HMGXB3: variants seen among roughly 807,000 people sequenced by gnomAD.
The protein encoded by HMGXB3 is HMG domain-containing protein 3.
HMGXB3 carries 45 observed loss-of-function variants against 121.5 expected under a neutral mutation model. The ratio of observed to expected loss-of-function variants is 0.37; its 90% CI spans 0.29 to 0.47. HMGXB3 has a LOEUF of 0.47. HMGXB3 is among the 20% of genes least tolerant of loss of function. HMGXB3 has a pLI of 0.99. For synonymous variants in HMGXB3, 590 were observed against 624.1 expected (o/e 0.95, Z 0.81); for missense variants, 1,376 against 1,602.2 (o/e 0.86, Z 2.41).
intron 6 of HMGXB3, chr5:150,021,525 T>C: frequency 5.9e-6 from 2 of 337,352 alleles, no homozygotes; most frequent in Non-Finnish European, 1.2e-5. Flanking sequence ...TGAGATTTTT[T>C]GTTTTTTAAC....
Position 150,032,603 on chromosome 5 carries a change from C to T in HMGXB3, c.1983C>T (p.Ile661=), listed in dbSNP as rs771719820. 19 of 1,552,148 alleles carry T rather than the reference C, an allele frequency of 1.2e-5. No individual in the cohort carries two copies. Among genetic ancestry groups the T allele is most frequent in the South Asian group, 4.8e-5 (4 of 84,066 alleles). The change falls in exon 11 of 20, where the codon ATC becomes ATT. Residue 661 remains isoleucine (I), a splice_region_variant and synonymous_variant. Transcript: ENST00000502717. ...GGACTGAGAAAACCACCAAGGCTAT[C>T]GTGAGTTCCTTCCCCCAAACACATC... is the stretch of plus-strand genomic sequence containing the variant. ...KDRTEKTTKA[I]EVSSPLPDVL...
chr5:150,039,511 CTT>C (rs1222122101), intron 13 of HMGXB3, among the ~76,000 whole-genome samples: 4 of 151,764 alleles, frequency 2.6e-5, no homozygotes, highest in African/African-American at 7.3e-5. Flanking sequence ...TAGGTAAAAA[CTT>C]GTGTATAATC....
intron 13 of HMGXB3, 126 bp downstream of exon 13, chr5:150,037,653 T>G: frequency 1.3e-6 from 1 of 760,820 alleles, no homozygotes; most frequent in Non-Finnish European, 1.8e-6. Context: ...GAAGGGGGAG[T>G]CTTCTTCCTA....
chr5:150,051,464 G>A (rs561137447), intron 19 of HMGXB3, among the ~76,000 whole-genome samples: 45 of 152,332 alleles, frequency 3.0e-4, no homozygotes, highest in Non-Finnish European at 2.9e-5. Flanking sequence ...CTGCTCCCCT[G>A]CAGCCACTGG....
chr5:150,041,520 T>G (rs931267709), intron 14 of HMGXB3, among the ~76,000 whole-genome samples: 1 of 152,228 alleles, frequency 6.6e-6, no homozygotes, highest in African/African-American at 2.4e-5. Context: ...GAGGTGAGAT[T>G]AATGACATAA....
chr5:150,034,435 G>A (rs2113752265), intron 11 of HMGXB3, among the ~76,000 whole-genome samples: 1 of 152,122 alleles, frequency 6.6e-6, no homozygotes, highest in South Asian at 2.1e-4. Flanking sequence ...TCTCCTTCCA[G>A]TTCATTTTAG....
intron 16 of HMGXB3, among the ~76,000 whole-genome samples, chr5:150,047,194 C>T (rs572509215): frequency 3.7e-4 from 56 of 152,178 alleles, no homozygotes; most frequent in Non-Finnish European, 2.2e-4. Context: ...GCACCCGGCC[C>T]CCAGGGATTA....
chr5:150,045,670 G>A lies in HMGXB3; in HGVS notation c.2935G>A (p.Val979Met), dbSNP rs1168482492. The A allele has an allele frequency of 1.3e-6, 2 of 1,551,592 alleles. No homozygotes were observed. Among genetic ancestry groups the A allele is most frequent in the Admixed American group, 2.0e-5 (1 of 50,988 alleles). The change falls in exon 16 of 20, where the codon GTG becomes ATG. Residue 979 changes from valine to methionine, a missense_variant. By Grantham distance (21) the Val-to-Met change is conservative (BLOSUM62 1). Around this residue, in one of 2 missense-constraint regions of HMGXB3, gnomAD observed 1,116 missense variants for 1,369.0 expected, o/e 0.82. Coordinates refer to ENST00000502717, the MANE Select transcript of HMGXB3 (RefSeq NM_014983.3). Reference protein sequence around the residue: ...VNTEKDKNLDVQPVPGSGSAL... With the variant: ...VNTEKDKNLDMQPVPGSGSAL... The stretch of plus-strand genomic sequence containing the variant: ...CACTGAGAAAGACAAAAACCTGGAT[G>A]TGCAGCCAGTACCTGGTAAGGCCAC...
At chr5:150,004,559 GTAT>G (rs1481144708) in intron 1 of HMGXB3, among the ~76,000 whole-genome samples, 1 of 152,190 alleles carries the variant, frequency 6.6e-6, no homozygotes, top group Non-Finnish European at 1.5e-5. Flanking sequence ...TAAGTGAAAA[GTAT>G]TTCTAAGGCA....
rs1756614065 is a variant in HMGXB3, at chr5:150,040,842, C to T, written c.2508C>T (p.Ser836=). Residue 836 remains serine, a synonymous_variant, in exon 14 of 20, where the codon TCC becomes TCT. Coordinates refer to ENST00000502717, the MANE Select transcript of HMGXB3 (RefSeq NM_014983.3). ...AGCTCGGAGAGGACCCCAGAGTGTC[C>T]ATCAATGTTGTTCTGAAGTCGGTGC... The part of the protein sequence containing the change: ...QIKLGEDPRV[S]INVVLKSVQE... 6.4e-7 allele frequency: 1 copy of T among 1,551,382 alleles called. No homozygotes were observed. The highest frequency in any genetic ancestry group is 1.4e-5 in the African/African-American group (1 of 73,008).
At chr5:150,041,012 C>T (rs562064088) in intron 14 of HMGXB3, 133 bp downstream of exon 14, 1 of 848,806 alleles carries the variant, frequency 1.2e-6, no homozygotes, top group African/African-American at 1.8e-5. Context: ...TCTTGACTTC[C>T]TAATACACTC....
chr5:150,024,759 T>A, intron 7 of HMGXB3, 79 bp downstream of exon 7: 1 of 1,208,724 alleles, frequency 8.3e-7, no homozygotes, highest in Non-Finnish European at 1.1e-6. Context: ...ACAGCATGCC[T>A]GAGAGAGGCA....
chr5:150,042,043 C>A, intron 15 of HMGXB3, 74 bp downstream of exon 15: 6 of 1,256,404 alleles, frequency 4.8e-6, no homozygotes, highest in Non-Finnish European at 6.7e-6. Context: ...TATATGATAT[C>A]CCCAGGGGGT....
intron 7 of HMGXB3, among the ~76,000 whole-genome samples, chr5:150,025,714 C>T (rs780365803): frequency 5.9e-5 from 9 of 152,162 alleles, no homozygotes; most frequent in Admixed American, 3.3e-4. Context: ...ACTACAGGCA[C>T]GCACTACCAC....
At chr5:150,019,749 CAT>C (rs1491093868) in intron 6 of HMGXB3, among the ~76,000 whole-genome samples, 1 of 152,200 alleles carries the variant, frequency 6.6e-6, no homozygotes, top group Non-Finnish European at 1.5e-5. Flanking sequence ...GTGATTATCA[CAT>C]GTTTAACTCA....
In HMGXB3 at chr5:150,027,124, C is replaced by T. The variant is rs1300905986; in HGVS notation, c.1734+7C>T. On this transcript the variant is annotated splice_region_variant and intron_variant, in intron 9 of 19. Transcript: ENST00000502717. ...TGGCCCTGGTGAGGTGAAGGTAAGG[C>T]CCATTTTCCAGAGTGGGAGCTGTTT... is the stretch of plus-strand genomic sequence containing the variant. 1.3e-6 allele frequency: 2 copies of T among 1,549,638 alleles called. No homozygotes were observed. Among genetic ancestry groups the T allele is most frequent in the African/African-American group, 2.7e-5 (2 of 73,092 alleles).
chr5:150,023,455 A>G (rs1214728075), intron 6 of HMGXB3, among the ~76,000 whole-genome samples: 4 of 152,216 alleles, frequency 2.6e-5, no homozygotes, highest in Admixed American at 6.5e-5. Flanking sequence ...TATGTTTCCT[A>G]GTTTACAGTG....
intron 5 of HMGXB3, 50 bp from the exon 6 acceptor site, chr5:150,018,516 C>G: frequency 7.1e-7 from 1 of 1,410,786 alleles, no homozygotes; most frequent in Non-Finnish European, 9.4e-7. Context: ...TAGTGGTCAT[C>G]AGTCTGAGAG....
intron 4 of HMGXB3, among the ~76,000 whole-genome samples, chr5:150,011,463 G>T (rs1233024843): frequency 6.6e-6 from 1 of 152,200 alleles, no homozygotes; most frequent in Non-Finnish European, 1.5e-5. Context: ...GCTTGCTGTA[G>T]CCCTTATGGC....
Sources: allele counts gnomAD v4.1 joint callset (sites outside exome capture counted in the v4.1 genomes callset), GRCh38; gene constraint gnomAD v4.1.1; regional missense constraint gnomAD v4.1.1; transcripts MANE v1.5; gene names NCBI Gene and HGNC (gene_info 2026-07-23, HGNC 2026-07-21).